Variants in PRAG1 observed in about 807,000 individuals in gnomAD.
PRAG1 encodes the protein PEAK1 related, kinase-activating pseudokinase 1.
In PRAG1, 110 loss-of-function variants were observed where a neutral mutation model predicts 95.6. That is an observed-to-expected ratio of 1.15 (90% CI 0.99 to 1.35). The LOEUF is 1.35. Ranked by LOEUF, PRAG1 falls within the 40% of genes most tolerant of loss-of-function variation. PRAG1 has a pLI of 0.00. For missense variants in PRAG1, 2,554 were observed against 1,864.7 expected (o/e 1.37, Z -6.81); for synonymous variants, 1,052 against 819.4 (o/e 1.28, Z -4.85).
At chr8:8,331,862 G>A (rs1361047614) in intron 4 of PRAG1, among the ~76,000 whole-genome samples, 1 of 152,196 alleles carries the variant, frequency 6.6e-6, no homozygotes, top group Non-Finnish European at 1.5e-5. Flanking sequence ...CACTACTTGG[G>A]TAAATCTGAC....
chr8:8,373,639 G>T (rs62497496), intron 3 of PRAG1, among the ~76,000 whole-genome samples: 1 of 151,994 alleles, frequency 6.6e-6, no homozygotes, highest in Non-Finnish European at 1.5e-5. Flanking sequence ...TTTTGGTGGA[G>T]ACTGGGTTTC....
chr8:8,377,261 G>C lies in PRAG1; in HGVS notation c.1148C>G (p.Pro383Arg). Residue 383 changes from proline to arginine, a missense_variant, in exon 3 of 6, where the codon CCA becomes CGA. Transcript: ENST00000615670. The stretch of plus-strand genomic sequence containing the variant: ...AAGGCATCTGCTAGGGGTCACCCCT[G>C]GGCAGCCAGGGTCCTGCTGCTTCTC... ...APEKQQDPGC[P>R]GVTPSRCLGL... is the part of the protein sequence containing the mutation. The C allele has an allele frequency of 6.2e-7, 1 of 1,612,870 alleles. No homozygotes were observed.
intron 3 of PRAG1, among the ~76,000 whole-genome samples, chr8:8,351,644 A>C (rs1467766055): frequency 6.6e-6 from 1 of 152,222 alleles, no homozygotes; most frequent in Non-Finnish European, 1.5e-5. Flanking sequence ...CAAGAACTAG[A>C]TAATTTATAG....
chr8:8,343,750 C>T (rs941403925), intron 3 of PRAG1, among the ~76,000 whole-genome samples: 36 of 152,192 alleles, frequency 2.4e-4, no homozygotes, highest in South Asian at 4.2e-4. Flanking sequence ...GCTGGAAAGC[C>T]ACCATAGAAA....
At chr8:8,366,611 G>C (rs751894486) in intron 3 of PRAG1, among the ~76,000 whole-genome samples, 1 of 151,980 alleles carries the variant, frequency 6.6e-6, no homozygotes, top group South Asian at 2.1e-4. Flanking sequence ...ACTGAGCCCA[G>C]CTGGGAACTC....
At chr8:8,337,652 TAA>T (rs1177780693) in intron 4 of PRAG1, among the ~76,000 whole-genome samples, 1 of 152,194 alleles carries the variant, frequency 6.6e-6, no homozygotes, top group Non-Finnish European at 1.5e-5. Flanking sequence ...TCTGGGAGTC[TAA>T]GTTTTGAAAT....
chr8:8,357,083 T>G (rs1321181882), intron 3 of PRAG1, among the ~76,000 whole-genome samples: 2 of 152,068 alleles, frequency 1.3e-5, no homozygotes, highest in Admixed American at 6.6e-5. Flanking sequence ...AAATTCCTCG[T>G]GGAAAACAAA....
chr8:8,346,710 G>A, intron 3 of PRAG1, among the ~76,000 whole-genome samples: 1 of 152,180 alleles, frequency 6.6e-6, no homozygotes, highest in East Asian at 1.9e-4. Context: ...GGGCCCCAGT[G>A]TGCAGCAGAG....
chr8:8,369,824 C>T (rs1408506253), intron 3 of PRAG1, among the ~76,000 whole-genome samples: 1 of 151,680 alleles, frequency 6.6e-6, no homozygotes, highest in Non-Finnish European at 1.5e-5. Flanking sequence ...TTTGTGTTCC[C>T]TAAACAGAAC....
intron 4 of PRAG1, among the ~76,000 whole-genome samples, chr8:8,330,643 G>C (rs866126872): frequency 2.6e-5 from 4 of 152,174 alleles, no homozygotes; most frequent in African/African-American, 9.7e-5. Flanking sequence ...TCAATAGTCA[G>C]AATGAAGGGC....
chr8:8,380,037 T>A (rs182275350), intron 2 of PRAG1, among the ~76,000 whole-genome samples: 9 of 152,024 alleles, frequency 5.9e-5, no homozygotes, highest in Non-Finnish European at 1.2e-4. Flanking sequence ...GCCTAGGAGT[T>A]TGAGACCAGG....
rs36045122 is a variant in PRAG1, at chr8:8,323,321, C to CTT, written c.3073-4021_3073-4020dup. 2.4e-3 allele frequency among the ~76,000 whole-genome samples: 335 copies of CTT among 137,998 alleles called. 3 individuals carry two copies. Among genetic ancestry groups the CTT allele is most frequent in the Admixed American group, 6.4e-3 (88 of 13,712 alleles). The allele number at this position is 137,998 out of a possible 152,430, so 90.5% of individuals were successfully genotyped here. A position where few individuals can be genotyped will look rare whatever the true frequency, so the allele number is the denominator to read the frequency against. ...TTATAAGGGGTTTTCTTTTCCCTCCCTTTTTTTTTTTTTTTGAGATAGAGT... is the reference window on the plus strand; with the variant it reads ...TTATAAGGGGTTTTCTTTTCCCTCCCTTTTTTTTTTTTTTTTTGAGATAGAGT... On this transcript the variant is annotated intron_variant, in intron 5 of 5. Coordinates refer to ENST00000615670, the MANE Select transcript of PRAG1 (RefSeq NM_001080826.3).
intron 1 of PRAG1, among the ~76,000 whole-genome samples, chr8:8,386,060 T>G (rs1041882820): frequency 6.6e-6 from 1 of 152,050 alleles, no homozygotes; most frequent in African/African-American, 2.4e-5. Flanking sequence ...CGTAGGAAAG[T>G]TTCCCCGTTT....
At chr8:8,320,244 C>T (rs942319088) in intron 5 of PRAG1, among the ~76,000 whole-genome samples, 1 of 152,092 alleles carries the variant, frequency 6.6e-6, no homozygotes, top group Admixed American at 6.5e-5. Context: ...CTGAAAGAAA[C>T]CAGAAAGCTC....
intron 3 of PRAG1, 104 bp from the exon 4 acceptor site, chr8:8,339,739 G>T: frequency 8.9e-7 from 1 of 1,126,770 alleles, no homozygotes. Context: ...CCTGGCCAAT[G>T]TCAGCAAGTT....
chr8:8,367,894 G>A (rs1379935137), intron 3 of PRAG1, among the ~76,000 whole-genome samples: 1 of 152,198 alleles, frequency 6.6e-6, no homozygotes, highest in Admixed American at 6.5e-5. Flanking sequence ...ACCTGCCTCA[G>A]CCTCCCAAAA....
intron 3 of PRAG1, among the ~76,000 whole-genome samples, chr8:8,357,474 C>A (rs1425113952): frequency 6.6e-6 from 1 of 152,104 alleles, no homozygotes; most frequent in Non-Finnish European, 1.5e-5. Context: ...AAACACAAAT[C>A]AAAAGCACAA....
Position 8,328,113 on chromosome 8 carries a change from C to T in PRAG1, c.2669G>A (p.Gly890Asp), listed in dbSNP as rs1411705561. Residue 890 changes from glycine (G) to aspartate (D), a missense_variant, in exon 5 of 6, where the codon GGC becomes GAC. Gly to Asp is a moderately conservative substitution (Grantham distance 94). Coordinates refer to ENST00000615670, the MANE Select transcript of PRAG1 (RefSeq NM_001080826.3). ...DPLEKAFKGS[G>D]HWLPAAGLAG... The stretch of plus-strand genomic sequence containing the variant: ...CAGCCCTGCTGCCGGAAGCCAGTGG[C>T]CACTGCCTTTGAAAGCTTTCTCCAG... 3 of 1,613,464 alleles carry T rather than the reference C, an allele frequency of 1.9e-6. No individual in the cohort carries two copies. In the East Asian group the frequency reaches 6.7e-5, roughly 36 times the overall value.
chr8:8,363,850 G>A (rs1423882980), intron 3 of PRAG1, among the ~76,000 whole-genome samples: 1 of 152,084 alleles, frequency 6.6e-6, no homozygotes, highest in Non-Finnish European at 1.5e-5. Flanking sequence ...TAAGTATATT[G>A]TGCTATAGAT....
Sources: allele counts gnomAD v4.1 joint callset (sites outside exome capture counted in the v4.1 genomes callset), GRCh38; gene constraint gnomAD v4.1.1; transcripts MANE v1.5; gene names NCBI Gene and HGNC (gene_info 2026-07-23, HGNC 2026-07-21).